Variants in ATRX observed in about 807,000 individuals in gnomAD.
ATRX encodes ATRX chromatin remodeler, also known as chromatin remodeler ATRX.
A neutral mutation model predicts 172.6 loss-of-function variants in ATRX; 12 were observed. The ratio of observed to expected loss-of-function variants is 0.07; its 90% CI spans 0.04 to 0.11. ATRX has a LOEUF of 0.11. ATRX is among the 10% of genes least tolerant of loss of function. ATRX has a pLI of 1.00. For missense variants in ATRX, 1,368 were observed against 1,767.4 expected, an observed-to-expected ratio of 0.77 and a Z score of 4.05; for synonymous variants, 674 against 594.7, an observed-to-expected ratio of 1.13 and a Z score of -1.94.
intron 10 of ATRX, chrX:77,674,383 CAAATT>C (rs1374522660): frequency 2.7e-5 from 3 of 110,662 alleles, no homozygotes; most frequent in African/African-American, 9.9e-5. Context: ...TTTATAAAAA[CAAATT>C]AAACTGAGTA....
intron 19 of ATRX, among the ~76,000 whole-genome samples, chrX:77,626,264 C>T (rs782154736): frequency 7.5e-5 from 8 of 106,016 alleles, no homozygotes; most frequent in South Asian, 4.3e-4. Context: ...AATGACACAA[C>T]GGACTTTGGG....
chrX:77,564,190 T>C (rs1254000483), intron 28 of ATRX, among the ~76,000 whole-genome samples: 1 of 111,348 alleles, frequency 9.0e-6, no homozygotes, highest in Non-Finnish European at 1.9e-5. Flanking sequence ...GCAGTCAAAA[T>C]GACACATAAA....
At chrX:77,737,824 C>T (rs1252583350) in intron 1 of ATRX, among the ~76,000 whole-genome samples, 1 of 110,947 alleles carries the variant, frequency 9.0e-6, no homozygotes, top group Non-Finnish European at 1.9e-5. Flanking sequence ...TCCTCCATGC[C>T]ACCAAATTTC....
chrX:77,740,981 T>C (rs1389478246), intron 1 of ATRX, among the ~76,000 whole-genome samples: 1 of 109,419 alleles, frequency 9.1e-6, no homozygotes, highest in East Asian at 2.9e-4. Context: ...AGTGAGAGGC[T>C]CACTTGAGCC....
rs180998548 is a variant in ATRX, at chrX:77,771,490, G to A, written c.20+14492C>T. On this transcript the variant is annotated intron_variant, in intron 1 of 34. Coordinates refer to ENST00000373344, the MANE Select transcript of ATRX (RefSeq NM_000489.6). ...ATCTCATTTTTCTCAAGGCACCCAA[G>A]GGCTCCTCTACCGTATCTCTAGACA... Among the ~76,000 whole-genome samples the A allele has an allele frequency of 3.4e-3, 374 of 109,831 alleles. 3 individuals carry two copies. The highest frequency in any genetic ancestry group is 5.5e-3 in the Non-Finnish European group (290 of 52,774).
intron 28 of ATRX, among the ~76,000 whole-genome samples, chrX:77,570,514 T>C (rs1188409805): frequency 5.4e-5 from 6 of 111,162 alleles, no homozygotes; most frequent in Admixed American, 1.9e-4. Flanking sequence ...CAGCCAAAAA[T>C]ATGAACCTTT....
intron 14 of ATRX, among the ~76,000 whole-genome samples, chrX:77,653,332 T>C (rs1285878878): frequency 8.9e-5 from 10 of 112,045 alleles, no homozygotes; most frequent in African/African-American, 3.2e-4. Flanking sequence ...TAACAAAATG[T>C]GGCACACACT....
intron 6 of ATRX, 143 bp from the exon 7 acceptor site, chrX:77,689,070 G>A: frequency 2.0e-6 from 1 of 505,460 alleles, no homozygotes; most frequent in Non-Finnish European, 3.4e-6. Context: ...AAGTAAAAAA[G>A]GTTAATATTT....
chrX:77,717,777 A>T (rs1388080283), intron 1 of ATRX, among the ~76,000 whole-genome samples: 1 of 111,395 alleles, frequency 9.0e-6, no homozygotes, highest in Non-Finnish European at 1.9e-5. Flanking sequence ...ATGTGTTTAA[A>T]CAGAAGTTAA....
intron 1 of ATRX, among the ~76,000 whole-genome samples, chrX:77,762,029 G>A (rs1016612412): frequency 1.8e-5 from 2 of 111,028 alleles, no homozygotes; most frequent in East Asian, 5.6e-4. Context: ...TTGGCCAGGC[G>A]CGGTGGCTCA....
chrX:77,672,876 A>G (rs1421091826), intron 10 of ATRX, among the ~76,000 whole-genome samples: 5 of 111,792 alleles, frequency 4.5e-5, no homozygotes, highest in African/African-American at 1.3e-4. Flanking sequence ...AGAAAAACCT[A>G]GCACTTTGGT....
intron 2 of ATRX, among the ~76,000 whole-genome samples, chrX:77,701,679 T>C (rs782234451): frequency 3.6e-5 from 4 of 111,537 alleles, no homozygotes; most frequent in Non-Finnish European, 5.6e-5. Flanking sequence ...TCACCATTTC[T>C]ATTCAACTTT....
At chrX:77,784,340 A>C (rs1450519174) in intron 1 of ATRX, among the ~76,000 whole-genome samples, 1 of 112,375 alleles carries the variant, frequency 8.9e-6, no homozygotes, top group African/African-American at 3.2e-5. Context: ...AAGATCTACA[A>C]AAATCCAAGA....
chrX:77,616,736 A>G lies in ATRX; in HGVS notation c.5449-6T>C, dbSNP rs782446336. ...AATGCTGTATAATCTTTCCTCTGTAATTAACAAGAAAGAGAATGAAAATTA... is the reference window on the plus strand; with the variant it reads ...AATGCTGTATAATCTTTCCTCTGTAGTTAACAAGAAAGAGAATGAAAATTA... On this transcript the variant is annotated splice_polypyrimidine_tract_variant and splice_region_variant and intron_variant, in intron 21 of 34. Coordinates refer to ENST00000373344, the MANE Select transcript of ATRX (RefSeq NM_000489.6). 1.8e-6 allele frequency: 2 copies of G among 1,096,459 alleles called. No homozygotes were observed. Among genetic ancestry groups the G allele is most frequent in the African/African-American group, 3.6e-5 (2 of 55,503 alleles). The allele number at this position is 1,096,459 out of a possible 1,213,427, so 90.4% of individuals were successfully genotyped here. A position where few individuals can be genotyped will look rare whatever the true frequency, so the allele number is the denominator to read the frequency against.
chrX:77,555,681 T>A (rs2064750183), intron 30 of ATRX, among the ~76,000 whole-genome samples: 2 of 109,012 alleles, frequency 1.8e-5, no homozygotes, highest in Admixed American at 2.0e-4. Context: ...TGGGGAGGGT[T>A]ACATCACCCA....
At chrX:77,670,145 G>GA (rs201386719) in intron 10 of ATRX, among the ~76,000 whole-genome samples, 1 of 111,725 alleles carries the variant, frequency 9.0e-6, no homozygotes, top group Admixed American at 9.5e-5. Flanking sequence ...AAAATTGCTG[G>GA]AAAAAAATAT....
In ATRX at chrX:77,508,137, CGT is replaced by C. The variant is rs1328481270; in HGVS notation, c.*212_*213del. 2.4e-6 allele frequency: 1 copy of C among 417,507 alleles called. No individual in the cohort carries two copies. Among genetic ancestry groups the C allele is most frequent in the African/African-American group, 2.6e-5 (1 of 39,088 alleles). The allele number at this position is 417,507 out of a possible 1,213,427, so 34.4% of individuals were successfully genotyped here. A position where few individuals can be genotyped will look rare whatever the true frequency, so the allele number is the denominator to read the frequency against. On this transcript the variant is annotated 3_prime_UTR_variant, in exon 35 of 35. Transcript: ENST00000373344. ...AATTTGAAATATCTTCTGTACTCAG[CGT>C]GTGTAAGAAGATTCTAGGCAACATC...
At chrX:77,615,172 G>A (rs1196281745) in intron 22 of ATRX, among the ~76,000 whole-genome samples, 1 of 110,415 alleles carries the variant, frequency 9.1e-6, no homozygotes, top group African/African-American at 3.3e-5. Context: ...CTAATTTTTT[G>A]ATTTTTCGTG....
chrX:77,645,188 C>A lies in ATRX; in HGVS notation c.4557+6926G>T, dbSNP rs191857144. On this transcript the variant is annotated intron_variant, in intron 15 of 34. Coordinates refer to ENST00000373344, the MANE Select transcript of ATRX (RefSeq NM_000489.6). ...AGACACAGCATCTCACTCTGTCATCCAGGCTATAGTACAATGGCATAATCA... is the reference window on the plus strand; with the variant it reads ...AGACACAGCATCTCACTCTGTCATCAAGGCTATAGTACAATGGCATAATCA... Among the ~76,000 whole-genome samples the A allele has an allele frequency of 1.6e-4, 18 of 111,644 alleles. No homozygotes were observed. The East Asian group carries it at 5.0e-3, about 31-fold the overall frequency.
Sources: gnomAD v4.1 joint callset for allele counts (sites outside exome capture counted in the v4.1 genomes callset) on GRCh38, gnomAD v4.1.1 for gene constraint, MANE v1.5 for transcripts, NCBI Gene and HGNC (gene_info 2026-07-23, HGNC 2026-07-21) for gene names.